The following CNBD1 variants were observed in gnomAD, a reference collection of about 807,000 sequenced individuals.
The protein encoded by CNBD1 is cyclic nucleotide-binding domain-containing protein 1.
In CNBD1, 71 loss-of-function variants were observed where a neutral mutation model predicts 54.4. That is an observed-to-expected ratio of 1.30 (90% CI 1.08 to 1.59). The LOEUF (loss-of-function observed/expected upper bound fraction) is 1.59. Ranked by LOEUF, CNBD1 falls within the 40% of genes most tolerant of loss-of-function variation. CNBD1 has a pLI of 0.00. For missense variants in CNBD1, 659 were observed against 518.0 expected (o/e 1.27, Z -2.64); for synonymous variants, 182 against 170.7 (o/e 1.07, Z -0.51).
chr8:87,313,386 C>G (rs1274271527), intron 8 of CNBD1, among the ~76,000 whole-genome samples: 6 of 151,928 alleles, frequency 3.9e-5, no homozygotes, highest in Admixed American at 3.9e-4. Flanking sequence ...TTACACAGAA[C>G]AATTTTATGT....
At chr8:87,270,431 C>G (rs948993145) in intron 6 of CNBD1, among the ~76,000 whole-genome samples, 2 of 151,768 alleles carry the variant, frequency 1.3e-5, no homozygotes, top group Non-Finnish European at 1.5e-5. Flanking sequence ...TCACGCCAGT[C>G]AGAATAGCTA....
At chr8:87,306,308 A>G (rs745834603) in intron 8 of CNBD1, among the ~76,000 whole-genome samples, 2 of 152,194 alleles carry the variant, frequency 1.3e-5, no homozygotes, top group Non-Finnish European at 2.9e-5. Context: ...GGGAGTGTAA[A>G]CTAGTATAGC....
chr8:87,256,531 C>A (rs1462764382), intron 6 of CNBD1, among the ~76,000 whole-genome samples: 1 of 151,874 alleles, frequency 6.6e-6, no homozygotes, highest in African/African-American at 2.4e-5. Context: ...AAGTGCCTGG[C>A]AGCAGAAGGT....
intron 4 of CNBD1, among the ~76,000 whole-genome samples, chr8:86,948,409 C>T (rs1313353038): frequency 6.6e-6 from 1 of 152,098 alleles, no homozygotes; most frequent in Non-Finnish European, 1.5e-5. Context: ...TCCGCATCCT[C>T]ACCAGCATTT....
At chr8:87,240,120 T>A (rs1807665652) in intron 6 of CNBD1, among the ~76,000 whole-genome samples, 1 of 150,260 alleles carries the variant, frequency 6.7e-6, no homozygotes, top group Admixed American at 6.6e-5. Flanking sequence ...AAACATGCAC[T>A]TCTATATTTC....
At chr8:87,308,578 ATTTC>A (rs1809203043) in intron 8 of CNBD1, among the ~76,000 whole-genome samples, 2 of 152,128 alleles carry the variant, frequency 1.3e-5, no homozygotes, top group Admixed American at 6.6e-5. Flanking sequence ...AACATTTGTT[ATTTC>A]TTTGTGTTAG....
intron 4 of CNBD1, among the ~76,000 whole-genome samples, chr8:87,001,188 T>G (rs953824254): frequency 1.3e-5 from 2 of 152,090 alleles, no homozygotes; most frequent in Non-Finnish European, 2.9e-5. Context: ...TTGCTTTTAT[T>G]TTATTTACAT....
At chr8:87,386,329 A>C (rs1442423162), downstream of CNBD1, among the ~76,000 whole-genome samples, 1 of 151,982 alleles carries the variant, frequency 6.6e-6, no homozygotes, top group Non-Finnish European at 1.5e-5. Context: ...TAAAGCAGGA[A>C]GTTCGAACCC....
intron 6 of CNBD1, among the ~76,000 whole-genome samples, chr8:87,241,933 A>G (rs1163518470): frequency 6.6e-6 from 1 of 152,110 alleles, no homozygotes; most frequent in Admixed American, 6.5e-5. Context: ...AAAAAATAAA[A>G]TTCTAAGCCC....
At chr8:87,319,355 T>C (rs1809470323) in intron 8 of CNBD1, among the ~76,000 whole-genome samples, 1 of 152,136 alleles carries the variant, frequency 6.6e-6, no homozygotes, top group Admixed American at 6.6e-5. Context: ...TAGGTATTTT[T>C]ACATTGTTCT....
intron 5 of CNBD1, among the ~76,000 whole-genome samples, chr8:87,230,295 A>G (rs951462211): frequency 2.6e-5 from 4 of 152,154 alleles, no homozygotes; most frequent in Non-Finnish European, 5.9e-5. Context: ...TCGACAGGAG[A>G]TTTGGGCAGC....
chr8:87,373,590 A>G (rs1810864476), intron 10 of CNBD1, among the ~76,000 whole-genome samples: 1 of 151,832 alleles, frequency 6.6e-6, no homozygotes, highest in Non-Finnish European at 1.5e-5. Flanking sequence ...TAGGTTGTAT[A>G]TCTTCATTTA....
intron 8 of CNBD1, 52 bp downstream of exon 8, chr8:87,286,723 G>T: frequency 8.0e-7 from 1 of 1,250,610 alleles, no homozygotes; most frequent in Non-Finnish European, 1.1e-6. Context: ...TATATTATTG[G>T]AATTGAAATT....
chr8:86,988,122 C>A (rs1808650796), intron 4 of CNBD1, among the ~76,000 whole-genome samples: 1 of 146,428 alleles, frequency 6.8e-6, no homozygotes, highest in Non-Finnish European at 1.5e-5. Flanking sequence ...CAATCTGGTC[C>A]AGGGCATTTT....
chr8:87,345,965 A>G (rs531635327), intron 8 of CNBD1, among the ~76,000 whole-genome samples: 1 of 152,316 alleles, frequency 6.6e-6, no homozygotes, highest in African/African-American at 2.4e-5. Flanking sequence ...TTGAAATGGA[A>G]ATATATTGGT....
chr8:87,269,565 T>C (rs1179033523), intron 6 of CNBD1, among the ~76,000 whole-genome samples: 3 of 152,164 alleles, frequency 2.0e-5, no homozygotes, highest in South Asian at 4.1e-4. Flanking sequence ...GGAATATTTT[T>C]CCATTTGTTT....
intron 2 of CNBD1, among the ~76,000 whole-genome samples, chr8:87,416,093 G>GAATTATATAAC (rs200088830): frequency 0.018 from 2,755 of 151,810 alleles, 83 homozygotes; most frequent in African/African-American, 0.06. Flanking sequence ...AATGTTCTCA[G>GAATTATATAAC]AATTATATAA....
At chr8:86,983,164 T>A (rs1808526032) in intron 4 of CNBD1, among the ~76,000 whole-genome samples, 1 of 152,116 alleles carries the variant, frequency 6.6e-6, no homozygotes, top group Admixed American at 6.6e-5. Context: ...GGGCAGGCTT[T>A]TCCTGTGCTG....
intron 4 of CNBD1, among the ~76,000 whole-genome samples, chr8:87,113,941 T>C (rs1308847023): frequency 6.6e-6 from 1 of 150,982 alleles, no homozygotes; most frequent in Non-Finnish European, 1.5e-5. Flanking sequence ...AAGAAAGAAA[T>C]AGAAATGATG....
Sources: gnomAD v4.1 joint callset for allele counts (sites outside exome capture counted in the v4.1 genomes callset) on GRCh38, gnomAD v4.1.1 for gene constraint, MANE v1.5 for transcripts, NCBI Gene and HGNC (gene_info 2026-07-23, HGNC 2026-07-21) for gene names.